VAV3: variants seen among roughly 807,000 people sequenced by gnomAD.
VAV3 encodes the protein guanine nucleotide exchange factor VAV3.
VAV3 carries 94 observed loss-of-function variants against 131.2 expected under a neutral mutation model. The observed-to-expected ratio is 0.72, with a 90% CI of 0.61 to 0.85. VAV3 has a LOEUF of 0.85. Ranked by LOEUF, VAV3 falls within the 40% of genes least tolerant of loss-of-function variation. VAV3 has a pLI of 0.00. For missense variants in VAV3, 939 were observed against 1,002.7 expected, an observed-to-expected ratio of 0.94 and a Z score of 0.86; for synonymous variants, 349 against 342.0, an observed-to-expected ratio of 1.02 and a Z score of -0.22.
intron 2 of VAV3, among the ~76,000 whole-genome samples, chr1:107,860,646 T>A (rs1425172509): frequency 6.6e-6 from 1 of 151,662 alleles, no homozygotes; most frequent in Non-Finnish European, 1.5e-5. Flanking sequence ...GTTTCATATG[T>A]GTTATCCTAA....
chr1:107,671,915 T>C (rs1464488327), intron 19 of VAV3, among the ~76,000 whole-genome samples: 2 of 152,216 alleles, frequency 1.3e-5, no homozygotes, highest in African/African-American at 4.8e-5. Flanking sequence ...GCTATGTGTA[T>C]AATAAAGCAC....
At chr1:107,730,510 C>G (rs17541024) in intron 15 of VAV3, among the ~76,000 whole-genome samples, 44,894 of 151,944 alleles carry the variant, frequency 0.3, 6,923 homozygotes, top group African/African-American at 0.38. Context: ...TCATATAAGG[C>G]TCAAAATCAT....
intron 25 of VAV3, among the ~76,000 whole-genome samples, chr1:107,594,748 T>C (rs115707204): frequency 0.013 from 1,998 of 152,224 alleles, 28 homozygotes; most frequent in Admixed American, 0.027. Context: ...ACTAAGGAAT[T>C]GGCTGGGAGT....
chr1:107,790,310 C>T (rs968169542), intron 2 of VAV3, among the ~76,000 whole-genome samples: 2 of 152,228 alleles, frequency 1.3e-5, no homozygotes, highest in East Asian at 1.9e-4. Flanking sequence ...CCAATGGTCA[C>T]CCACCTGGAA....
At chr1:107,827,410 A>G (rs1368079630) in intron 2 of VAV3, among the ~76,000 whole-genome samples, 1 of 152,170 alleles carries the variant, frequency 6.6e-6, no homozygotes, top group Non-Finnish European at 1.5e-5. Flanking sequence ...TATCTCTCCC[A>G]CCTAGATCCT....
At chr1:107,781,647 T>G (rs188470688) in intron 2 of VAV3, among the ~76,000 whole-genome samples, 10 of 152,302 alleles carry the variant, frequency 6.6e-5, no homozygotes, top group Non-Finnish European at 1.5e-4. Context: ...GATGAGCTAA[T>G]TTACTGACCC....
intron 15 of VAV3, among the ~76,000 whole-genome samples, chr1:107,727,685 A>C (rs1292409327): frequency 6.6e-6 from 1 of 152,256 alleles, no homozygotes; most frequent in East Asian, 1.9e-4. Flanking sequence ...ATTTTAAATT[A>C]AATATAAGCC....
At chr1:107,643,719 T>C (rs1246244838) in intron 19 of VAV3, among the ~76,000 whole-genome samples, 2 of 152,184 alleles carry the variant, frequency 1.3e-5, no homozygotes, top group African/African-American at 4.8e-5. Flanking sequence ...CAGTTCTAGA[T>C]GTCCAAGTTA....
intron 19 of VAV3, among the ~76,000 whole-genome samples, chr1:107,644,776 G>C (rs1043192705): frequency 1.3e-5 from 2 of 151,950 alleles, no homozygotes; most frequent in African/African-American, 4.8e-5. Flanking sequence ...AAATGCCCAG[G>C]CTCCATAAGA....
At chr1:107,631,637 C>T (rs1557718072) in intron 20 of VAV3, among the ~76,000 whole-genome samples, 1 of 113,228 alleles carries the variant, frequency 8.8e-6, no homozygotes, top group East Asian at 3.1e-4. Flanking sequence ...CTCCCCCCAC[C>T]CCACAACAGG....
intron 19 of VAV3, among the ~76,000 whole-genome samples, chr1:107,654,655 T>C (rs975053807): frequency 6.6e-6 from 1 of 152,062 alleles, no homozygotes; most frequent in Non-Finnish European, 1.5e-5. Flanking sequence ...TCCCCAAATT[T>C]TTAGTTTCCC....
chr1:107,953,122 T>C (rs75033347), intron 1 of VAV3, among the ~76,000 whole-genome samples: 8,793 of 152,246 alleles, frequency 0.058, 348 homozygotes, highest in African/African-American at 0.11. Context: ...AACGGGAAAC[T>C]TCACCGAATC....
intron 20 of VAV3, among the ~76,000 whole-genome samples, chr1:107,635,173 A>G (rs539106934): frequency 2.3e-4 from 35 of 152,278 alleles, no homozygotes; most frequent in Non-Finnish European, 4.1e-4. Context: ...ATGCACATGT[A>G]TGTTTATTGC....
intron 20 of VAV3, among the ~76,000 whole-genome samples, chr1:107,636,119 G>C (rs1557722129): frequency 1.3e-5 from 2 of 152,194 alleles, no homozygotes; most frequent in African/African-American, 2.4e-5. Context: ...AGGCAATTCT[G>C]CCTGGTTAGA....
At chr1:107,593,501 G>C (rs1394607104) in intron 25 of VAV3, among the ~76,000 whole-genome samples, 1 of 152,104 alleles carries the variant, frequency 6.6e-6, no homozygotes. Flanking sequence ...AGGACTTTTA[G>C]AAGTAATGGA....
intron 12 of VAV3, among the ~76,000 whole-genome samples, chr1:107,751,534 G>A (rs1045567152): frequency 1.9e-4 from 29 of 152,118 alleles, no homozygotes; most frequent in African/African-American, 6.8e-4. Flanking sequence ...CATCTACTAC[G>A]TGCCAACCAC....
At position 107,890,946 on chromosome 1, in the gene VAV3, A is replaced by T. The variant is rs557344008; in HGVS notation, c.205-15929T>A. Among the ~76,000 whole-genome samples the T allele has an allele frequency of 5.3e-5, 8 of 152,282 alleles. No individual in the cohort carries two copies. The South Asian group carries it at 8.3e-4, about 16-fold the overall frequency. On this transcript the variant is annotated intron_variant, in intron 1 of 26. Coordinates refer to ENST00000370056, the MANE Select transcript of VAV3 (RefSeq NM_006113.5). ...TTGCCACTTTACTCCTATAAGGCAGATGTGGTGTAGGGTTTTATTATTTTG... is the reference window on the plus strand; with the variant it reads ...TTGCCACTTTACTCCTATAAGGCAGTTGTGGTGTAGGGTTTTATTATTTTG...
chr1:107,704,736 T>C (rs2101847263), intron 16 of VAV3, 86 bp from the exon 17 acceptor site: 1 of 1,155,384 alleles, frequency 8.7e-7, no homozygotes, highest in South Asian at 1.3e-5. Flanking sequence ...AAAAAAAGTA[T>C]CAACAGTGCT....
chr1:107,691,610 A>C (rs1007499504), intron 17 of VAV3, among the ~76,000 whole-genome samples: 1 of 152,186 alleles, frequency 6.6e-6, no homozygotes, highest in African/African-American at 2.4e-5. Context: ...AGTTTCCAAA[A>C]GTTTTTAATC....
Sources: gnomAD v4.1 joint callset for allele counts (sites outside exome capture counted in the v4.1 genomes callset) on GRCh38, gnomAD v4.1.1 for gene constraint, MANE v1.5 for transcripts, NCBI Gene and HGNC (gene_info 2026-07-23, HGNC 2026-07-21) for gene names.